Variants in TEX36 observed in about 807,000 individuals in gnomAD.
TEX36 encodes the protein testis-expressed protein 36.
A neutral mutation model predicts 13.6 loss-of-function variants in TEX36; 12 were observed. The observed-to-expected ratio is 0.88, with a 90% CI of 0.56 to 1.43. The LOEUF (loss-of-function observed/expected upper bound fraction) is 1.43, where lower values mean the gene tolerates loss of function less well. Among genes scored for constraint, TEX36 ranks in the 40% most tolerant of loss-of-function variants. The pLI is 0.00. For missense variants in TEX36, 224 were observed against 228.3 expected, an observed-to-expected ratio of 0.98 and a Z score of 0.12; for synonymous variants, 93 against 83.0, an observed-to-expected ratio of 1.12 and a Z score of -0.65.
At chr10:125,644,521 G>A (rs1326239063) in intron 3 of TEX36, among the ~76,000 whole-genome samples, 1 of 152,158 alleles carries the variant, frequency 6.6e-6, no homozygotes, top group Admixed American at 6.5e-5. Flanking sequence ...TAATTAAGAA[G>A]CTAGATATAA....
rs546740464 is a variant in TEX36, at chr10:125,662,231, A to G, written c.52-254T>C. Among the ~76,000 whole-genome samples, 3 of 152,312 alleles carry G rather than the reference A, an allele frequency of 2.0e-5. No homozygotes were observed. In the East Asian group the frequency reaches 5.8e-4, roughly 29 times the overall value. ...TGAGCTGGAGCCTGGAAATGTTTCC[A>G]TAGCCTGGTAAGGAGGGTGTGGTCC... On this transcript the variant is annotated intron_variant, in intron 1 of 3. Coordinates refer to ENST00000368821, the MANE Select transcript of TEX36 (RefSeq NM_001128202.3).
rs941758228 is a variant in TEX36, at chr10:125,594,752, A to G, written c.265-17878T>C. The stretch of plus-strand genomic sequence containing the variant: ...GGGAAAGTCACAACATATGTTTGGG[A>G]AAAAAAGGTTAAAATTGATAAAAAC... On this transcript the variant is annotated intron_variant, in intron 3 of 3. Transcript: ENST00000532135. 2.0e-5 allele frequency among the ~76,000 whole-genome samples: 3 copies of G among 152,266 alleles called. No homozygotes were observed. In the East Asian group the frequency reaches 5.8e-4, roughly 29 times the overall value.
chr10:125,602,323 C>CT (rs1846159255), intron 3 of TEX36, among the ~76,000 whole-genome samples: 1 of 152,188 alleles, frequency 6.6e-6, no homozygotes, highest in Non-Finnish European at 1.5e-5. Context: ...CATTCTTGTG[C>CT]TTAAAGCCAT....
intron 3 of TEX36, among the ~76,000 whole-genome samples, chr10:125,616,031 A>C (rs891599410): frequency 6.6e-6 from 1 of 152,072 alleles, no homozygotes; most frequent in Non-Finnish European, 1.5e-5. Context: ...TGTGTTGAGG[A>C]ATTTATCCAT....
intron 3 of TEX36, among the ~76,000 whole-genome samples, chr10:125,635,878 A>C (rs149120739): frequency 6.6e-6 from 1 of 151,676 alleles, no homozygotes; most frequent in African/African-American, 2.4e-5. Context: ...AGGACACTTC[A>C]TTTTTTGTTT....
chr10:125,588,546 T>C (rs1346214982), intron 3 of TEX36, among the ~76,000 whole-genome samples: 1 of 152,104 alleles, frequency 6.6e-6, no homozygotes, highest in African/African-American at 2.4e-5. Context: ...CAGCATGTGA[T>C]GTGAGTGGGA....
intron 3 of TEX36, among the ~76,000 whole-genome samples, chr10:125,616,057 T>A (rs1565174997): frequency 6.6e-6 from 1 of 152,220 alleles, no homozygotes; most frequent in Non-Finnish European, 1.5e-5. Flanking sequence ...CTAGATTTTC[T>A]AGTTTATTTG....
At chr10:125,675,771 C>T (rs528432233) in intron 1 of TEX36, among the ~76,000 whole-genome samples, 1 of 152,210 alleles carries the variant, frequency 6.6e-6, no homozygotes, top group South Asian at 2.1e-4. Context: ...GCAGGATTCA[C>T]TCACCATTTT....
intron 1 of TEX36, among the ~76,000 whole-genome samples, chr10:125,664,700 A>T (rs1164621861): frequency 2.0e-5 from 3 of 152,184 alleles, no homozygotes; most frequent in Non-Finnish European, 2.9e-5. Flanking sequence ...AAGTTTCCTG[A>T]GGCCTCCCCA....
chr10:125,606,409 A>G (rs1009300716), intron 3 of TEX36, among the ~76,000 whole-genome samples: 2 of 152,238 alleles, frequency 1.3e-5, no homozygotes, highest in Non-Finnish European at 2.9e-5. Flanking sequence ...AAACCAAGTC[A>G]TGTACACCAT....
chr10:125,612,836 A>G lies in TEX36; in HGVS notation c.265-35962T>C, dbSNP rs542967159. On this transcript the variant is annotated intron_variant, in intron 3 of 3. Coordinates refer to the TEX36 transcript ENST00000532135. Reference sequence around the variant, plus strand: ...AAAAAAAAAACTATATAAAACCAAAATAGAAGAAAATGGCTAGATTTCATT... The same window carrying G: ...AAAAAAAAAACTATATAAAACCAAAGTAGAAGAAAATGGCTAGATTTCATT... Among the ~76,000 whole-genome samples the G allele has an allele frequency of 7.2e-5, 11 of 152,218 alleles. No individual in the cohort carries two copies. The South Asian group carries it at 2.3e-3, about 32-fold the overall frequency.
intron 3 of TEX36, among the ~76,000 whole-genome samples, chr10:125,610,659 T>A (rs904627439): frequency 3.3e-5 from 5 of 152,130 alleles, no homozygotes. Flanking sequence ...CATGTACAGA[T>A]TTTTTTTAAA....
chr10:125,610,080 A>C (rs1283889223), intron 3 of TEX36, among the ~76,000 whole-genome samples: 4 of 152,264 alleles, frequency 2.6e-5, no homozygotes, highest in African/African-American at 9.6e-5. Flanking sequence ...CCATGGCAAT[A>C]GCTGGAAGTT....
At chr10:125,586,121 G>A (rs1480112829) in intron 3 of TEX36, among the ~76,000 whole-genome samples, 3 of 152,202 alleles carry the variant, frequency 2.0e-5, no homozygotes, top group Non-Finnish European at 2.9e-5. Context: ...ATCTGACAAA[G>A]CACACAAGTT....
intron 1 of TEX36, 90 bp from the exon 2 acceptor site, chr10:125,662,067 T>A: frequency 6.7e-7 from 1 of 1,490,830 alleles, no homozygotes. Context: ...GTGATTAAAA[T>A]GCAATTTGGG....
At chr10:125,613,323 A>T (rs1244065056) in intron 3 of TEX36, among the ~76,000 whole-genome samples, 1 of 143,406 alleles carries the variant, frequency 7.0e-6, no homozygotes, top group Non-Finnish European at 1.5e-5. Flanking sequence ...GTACATGTGC[A>T]CCATGTGCAG....
intron 3 of TEX36, among the ~76,000 whole-genome samples, chr10:125,625,634 G>A (rs1384562807): frequency 6.6e-6 from 1 of 152,204 alleles, no homozygotes; most frequent in Non-Finnish European, 1.5e-5. Context: ...ACTTTATTGA[G>A]ATGTAATTTA....
chr10:125,656,245 A>AT, intron 3 of TEX36, 49 bp from the exon 4 acceptor site: 6 of 487,360 alleles, frequency 1.2e-5, no homozygotes, highest in South Asian at 1.0e-4. Flanking sequence ...AAGTTCACAT[A>AT]GTTCTTTTTT....
At chr10:125,663,658 A>G (rs2133598400) in intron 1 of TEX36, among the ~76,000 whole-genome samples, 1 of 152,296 alleles carries the variant, frequency 6.6e-6, no homozygotes, top group African/African-American at 2.4e-5. Context: ...AGTGATGTTT[A>G]GCATGTTTTC....
Sources: allele counts gnomAD v4.1 joint callset (sites outside exome capture counted in the v4.1 genomes callset), GRCh38; gene constraint gnomAD v4.1.1; transcripts MANE v1.5; gene names NCBI Gene and HGNC (gene_info 2026-07-23, HGNC 2026-07-21).